Variants in PAPLN observed in about 807,000 individuals in gnomAD.
PAPLN encodes the protein papilin.
In PAPLN, 146 loss-of-function variants were observed where a neutral mutation model predicts 159.0. The observed-to-expected ratio is 0.92, with a 90% CI of 0.80 to 1.05. The LOEUF (loss-of-function observed/expected upper bound fraction) is 1.05, where lower values mean the gene tolerates loss of function less well. Ranked by LOEUF, PAPLN falls within the 50% of genes least tolerant of loss-of-function variation. The pLI, the probability that PAPLN is intolerant of heterozygous loss-of-function variation, is 0.00. For synonymous variants in PAPLN, 734 were observed against 702.9 expected (o/e 1.04, Z -0.70); for missense variants, 1,720 against 1,743.9 (o/e 0.99, Z 0.24).
intron 14 of PAPLN, among the ~76,000 whole-genome samples, chr14:73,257,905 A>G (rs1294655082): frequency 1.3e-5 from 2 of 151,824 alleles, no homozygotes; most frequent in Non-Finnish European, 2.9e-5. Flanking sequence ...CTGGGATTAC[A>G]GGTGTGTGCT....
intron 2 of PAPLN, among the ~76,000 whole-genome samples, chr14:73,241,754 G>A (rs57092755): frequency 4.6e-5 from 7 of 152,206 alleles, no homozygotes; most frequent in African/African-American, 1.7e-4. Context: ...TGCTGTCAGC[G>A]GTCAGTCTGA....
intron 10 of PAPLN, 71 bp downstream of exon 10, chr14:73,252,212 G>A: frequency 6.7e-7 from 1 of 1,493,984 alleles, no homozygotes; most frequent in South Asian, 1.3e-5. Context: ...AGGTGGGCAA[G>A]TCACAGCCCT....
Position 73,251,837 on chromosome 14 carries a change from G to A in PAPLN, c.843+1G>A, listed in dbSNP as rs1350961817. 6.3e-7 allele frequency: 1 copy of A among 1,592,562 alleles called. No individual in the cohort carries two copies. Among genetic ancestry groups the A allele is most frequent in the Non-Finnish European group, 8.5e-7 (1 of 1,172,100 alleles). On this transcript the variant is annotated splice_donor_variant, in intron 9 of 26. Coordinates refer to ENST00000644200, the MANE Select transcript of PAPLN (RefSeq NM_001365906.3). LOFTEE classifies it high-confidence loss of function. ...CACCTCGGAGCCCCTGGTCATCGAG[G>A]TAAATGGGGGTGTGGGGAGAGAGGG...
At chr14:73,243,732 C>T (rs1042311559) in intron 2 of PAPLN, 1 of 152,176 alleles carries the variant, frequency 6.6e-6, no homozygotes, top group Non-Finnish European at 1.5e-5. Flanking sequence ...AGTGTACCTG[C>T]TAGGATTATA....
At chr14:73,240,410 TTTAA>T (rs1425713765) in intron 2 of PAPLN, among the ~76,000 whole-genome samples, 1 of 152,142 alleles carries the variant, frequency 6.6e-6, no homozygotes, top group Non-Finnish European at 1.5e-5. Flanking sequence ...TTTACTTGAC[TTTAA>T]TTAATTTAAA....
Position 73,245,679 on chromosome 14 carries a change from C to A in PAPLN, c.214C>A (p.Arg72Ser). 6.4e-7 allele frequency: 1 copy of A among 1,553,188 alleles called. No homozygotes were observed. The highest frequency in any genetic ancestry group is 1.2e-5 in the South Asian group (1 of 84,758). The part of the protein sequence containing the change: ...SSCVGPARSH[R>S]SCRTESCPDG... Reference sequence around the variant, plus strand: ...CTGCGTGGGCCCCGCCCGGAGCCACCGCTCTTGTCGCACGGAGGTAAAGCT... The same window carrying A: ...CTGCGTGGGCCCCGCCCGGAGCCACAGCTCTTGTCGCACGGAGGTAAAGCT... The change falls in exon 4 of 27, where the codon CGC (arginine) becomes AGC (serine). Residue 72 changes from arginine to serine, a missense_variant. By Grantham distance (110) the Arg-to-Ser change is moderately radical. Coordinates refer to ENST00000644200, the MANE Select transcript of PAPLN (RefSeq NM_001365906.3). This position sits in a 1 kb window ranked among gnomAD's most constrained non-coding sequence, Gnocchi z 4.2.
Position 73,246,117 on chromosome 14 carries a change from G to A in PAPLN, c.276G>A (p.Ala92=). 1 of 1,590,378 alleles carries A rather than the reference G, an allele frequency of 6.3e-7. No homozygotes were observed. The highest frequency in any genetic ancestry group is 8.5e-7 in the Non-Finnish European group (1 of 1,170,738). ...GGGACTTCCGGGCCGAGCAGTGCGCGGAGTTCGACGGAGCGGAGTTCCAGG... is the reference window on the plus strand; with the variant it reads ...GGGACTTCCGGGCCGAGCAGTGCGCAGAGTTCGACGGAGCGGAGTTCCAGG... ...GARDFRAEQC[A]EFDGAEFQGR... Residue 92 remains alanine (A), a synonymous_variant, in exon 5 of 27, where the codon GCG becomes GCA. Transcript: ENST00000644200.
In PAPLN at chr14:73,252,127, C is replaced by T. The variant is rs372481386; in HGVS notation, c.953C>T (p.Ala318Val). 75 of 1,604,082 alleles carry T rather than the reference C, an allele frequency of 4.7e-5. No individual in the cohort carries two copies. Among genetic ancestry groups the T allele is most frequent in the South Asian group, 6.7e-5 (6 of 89,596 alleles). Reference protein sequence around the residue: ...WSHGSWSDCSAECGGGHQSRL... With the variant: ...WSHGSWSDCSVECGGGHQSRL... ...CACGGCTCATGGAGTGACTGCAGCGCGGAGTGTGGCGGAGGTGCGGGCGTG... is the reference window on the plus strand; with the variant it reads ...CACGGCTCATGGAGTGACTGCAGCGTGGAGTGTGGCGGAGGTGCGGGCGTG... Residue 318 changes from alanine (A) to valine (V), a missense_variant, in exon 10 of 27, where the codon GCG becomes GTG. Ala to Val is a moderately conservative substitution (Grantham distance 64). Transcript: ENST00000644200.
chr14:73,251,722 C>T lies in PAPLN; in HGVS notation c.729C>T (p.Ala243=), dbSNP rs775111763. 7.4e-6 allele frequency: 12 copies of T among 1,613,262 alleles called. No homozygotes were observed. Among genetic ancestry groups the T allele is most frequent in the Non-Finnish European group, 1.0e-5 (12 of 1,179,990 alleles). Residue 243 remains alanine (A), a synonymous_variant, in exon 9 of 27, where the codon GCC becomes GCT. Coordinates refer to ENST00000644200, the MANE Select transcript of PAPLN (RefSeq NM_001365906.3). ...ATGGGCACTGGACCATCGAGGCGGC[C>T]CGGGCCCTGCCAGCAGCCAGCACCA... ...YLNGHWTIEA[A]RALPAASTIL...
intron 14 of PAPLN, among the ~76,000 whole-genome samples, chr14:73,255,352 C>T (rs114766614): frequency 2.0e-4 from 31 of 152,276 alleles, no homozygotes; most frequent in African/African-American, 7.2e-4. Flanking sequence ...CCACTATAAG[C>T]TTCTTGAGGA....
chr14:73,254,442 C>T (rs898529317), intron 12 of PAPLN, 71 bp from the exon 13 acceptor site: 8 of 1,565,486 alleles, frequency 5.1e-6, no homozygotes, highest in East Asian at 4.5e-5. Context: ...GCTGGTGGGC[C>T]GCTAGCTGTC....
In PAPLN at chr14:73,272,675, T is replaced by A; in HGVS notation, c.*11T>A. The A allele has an allele frequency of 6.4e-7, 1 of 1,555,424 alleles. No homozygotes were observed. Among genetic ancestry groups the A allele is most frequent in the Non-Finnish European group, 8.8e-7 (1 of 1,138,514 alleles). ...CCCATCTGGCAGTAGGGATGAAGGC[T>A]AGTTCCAGCCCCAGTCCAAAATAGT... is the stretch of plus-strand genomic sequence containing the variant. On this transcript the variant is annotated 3_prime_UTR_variant, in exon 27 of 27. Coordinates refer to ENST00000644200, the MANE Select transcript of PAPLN (RefSeq NM_001365906.3).
At position 73,272,501 on chromosome 14, in the gene PAPLN, C is replaced by A; in HGVS notation, c.3674C>A (p.Thr1225Asn). Residue 1225 changes from threonine (T) to asparagine (N), a missense_variant, in exon 27 of 27, where the codon ACC (threonine) becomes AAC (asparagine). Thr to Asn is a moderately conservative substitution (Grantham distance 65, BLOSUM62 0). Transcript: ENST00000644200. ...CTCCCCTGTCGTTCTGCAGCACCCA[C>A]CGCCCAGCCCAGGGACCCTGGCAGG... ...TEVKVVSPAP[T>N]AQPRDPGRDC... 1 of 1,538,650 alleles carries A rather than the reference C, an allele frequency of 6.5e-7. No individual in the cohort carries two copies. Among genetic ancestry groups the A allele is most frequent in the Non-Finnish European group, 8.8e-7 (1 of 1,130,056 alleles).
At chr14:73,258,892 G>T in intron 14 of PAPLN, 87 bp from the exon 15 acceptor site, 1 of 1,267,414 alleles carries the variant, frequency 7.9e-7, no homozygotes, top group Non-Finnish European at 1.1e-6. Context: ...TGGGGTAGAA[G>T]CCAGTGCTGG....
intron 7 of PAPLN, 134 bp downstream of exon 7, chr14:73,251,164 C>T: frequency 5.6e-6 from 8 of 1,435,140 alleles, no homozygotes; most frequent in Non-Finnish European, 7.4e-6. Flanking sequence ...CATATCAGGT[C>T]ACATCTGAAA....
intron 15 of PAPLN, 50 bp from the exon 16 acceptor site, chr14:73,259,219 G>C (rs1484979211): frequency 5.2e-6 from 8 of 1,528,788 alleles, no homozygotes; most frequent in Middle Eastern, 1.8e-4. Flanking sequence ...CAGGGGTGGA[G>C]GGGAGGAGCC....
chr14:73,272,426 T>C (rs761881835), intron 26 of PAPLN, 69 bp from the exon 27 acceptor site: 14 of 1,364,918 alleles, frequency 1.0e-5, no homozygotes, highest in Non-Finnish European at 1.3e-5. Context: ...GGAAATGAAA[T>C]GGCAGGTGAG....
rs71112721 is a variant in PAPLN, at chr14:73,247,889, CGTGTGTGTGTGTGTGTGT to C, written c.334+1743_334+1760del. Among the ~76,000 whole-genome samples the C allele has an allele frequency of 2.4e-3, 47 of 19,848 alleles. No homozygotes were observed. In the East Asian group the frequency reaches 0.044, roughly 18 times the overall value. The allele number at this position is 19,848 out of a possible 152,430, so 13.0% of individuals were successfully genotyped here. A position where few individuals can be genotyped will look rare whatever the true frequency, so the allele number is the denominator to read the frequency against. On this transcript the variant is annotated intron_variant, in intron 5 of 26. Coordinates refer to ENST00000644200, the MANE Select transcript of PAPLN (RefSeq NM_001365906.3). ...GGCCCAGTGGGAGTCTCATATCCTC[CGTGTGTGTGTGTGTGTGT>C]GTGTGTGTGTGTGTGTGTGTGTGTG...
intron 5 of PAPLN, among the ~76,000 whole-genome samples, chr14:73,247,226 T>C (rs1884505955): frequency 1.3e-5 from 2 of 152,142 alleles, no homozygotes; most frequent in Admixed American, 1.3e-4. Context: ...CCAGAGGAGA[T>C]GGTCTGTGCA....
Sources: gnomAD v4.1 joint callset for allele counts (sites outside exome capture counted in the v4.1 genomes callset) on GRCh38, gnomAD v4.1.1 for gene constraint, Gnocchi (gnomAD v3.1) non-coding constraint, MANE v1.5 for transcripts, NCBI Gene and HGNC (gene_info 2026-07-23, HGNC 2026-07-21) for gene names.